TNS1: variants seen among roughly 807,000 people sequenced by gnomAD.
TNS1 encodes tensin 1, also known as tensin-1.
In TNS1, 62 loss-of-function variants were observed where a neutral mutation model predicts 168.6. The ratio of observed to expected loss-of-function variants is 0.37; its 90% CI spans 0.30 to 0.45. The LOEUF (loss-of-function observed/expected upper bound fraction) is 0.45, where lower values mean the gene tolerates loss of function less well. Ranked by LOEUF, TNS1 falls within the 20% of genes least tolerant of loss-of-function variation. The pLI is 1.00. For missense variants in TNS1, 2,240 were observed against 2,339.4 expected, an observed-to-expected ratio of 0.96 and a Z score of 0.88; for synonymous variants, 934 against 933.2, an observed-to-expected ratio of 1.00 and a Z score of -0.02.
rs1316310539 is a variant in TNS1, at chr2:217,963,946, C to T, written c.186+14819G>A. ...AAAATTTCTTAAAAATCAGCTCTGA[C>T]TCCCCAGGCCCCAAATCTTAAAACA... is the stretch of plus-strand genomic sequence containing the variant. On this transcript the variant is annotated intron_variant, in intron 3 of 32. Transcript: ENST00000682258. Among the ~76,000 whole-genome samples, 5 of 151,352 alleles carry T rather than the reference C, an allele frequency of 3.3e-5. No homozygotes were observed. The South Asian group carries it at 1.0e-3, about 32-fold the overall frequency.
At chr2:217,900,369 A>C in intron 7 of TNS1, 94 bp downstream of exon 7, 1 of 1,405,582 alleles carries the variant, frequency 7.1e-7, no homozygotes, top group South Asian at 1.2e-5. Context: ...TTATGGCTGC[A>C]GTCCGGGGGA....
chr2:217,998,780 G>T (rs921032792), intron 1 of TNS1, among the ~76,000 whole-genome samples: 1 of 152,204 alleles, frequency 6.6e-6, no homozygotes. Flanking sequence ...GATCACAGGT[G>T]TGACCACTGT....
intron 1 of TNS1, among the ~76,000 whole-genome samples, chr2:218,031,018 G>C (rs1161717882): frequency 1.4e-5 from 2 of 147,038 alleles, no homozygotes; most frequent in African/African-American, 2.5e-5. Flanking sequence ...GGGAGTGTAT[G>C]TGTGTATGTG....
intron 3 of TNS1, among the ~76,000 whole-genome samples, chr2:217,927,040 G>A (rs1192849457): frequency 2.0e-5 from 3 of 152,214 alleles, no homozygotes; most frequent in African/African-American, 7.2e-5. Flanking sequence ...CATTGCTTCT[G>A]TTTATCCACT....
At chr2:217,886,392 T>C in intron 13 of TNS1, 142 bp downstream of exon 13, 7 of 716,804 alleles carry the variant, frequency 9.8e-6, no homozygotes, top group Non-Finnish European at 1.7e-5. Flanking sequence ...TAGGAAGCAA[T>C]ACACTTGAGA....
intron 1 of TNS1, 92 bp downstream of exon 1, chr2:218,002,748 G>A (rs565691940): frequency 5.5e-5 from 25 of 455,428 alleles, no homozygotes; most frequent in South Asian, 1.4e-4. Context: ...CCCCGACCCC[G>A]GGCTCTCAGC....
At chr2:217,962,902 C>T (rs1046437077) in intron 3 of TNS1, among the ~76,000 whole-genome samples, 11 of 152,154 alleles carry the variant, frequency 7.2e-5, no homozygotes, top group African/African-American at 2.7e-4. Context: ...AATTCTACTA[C>T]AATCCTCAGA....
In TNS1 at chr2:217,804,591, G is replaced by A. The variant is rs371968350; in HGVS notation, c.5388C>T (p.Phe1796=). ...EGGAPAKLFG[F]VARKQGSTTD... is the part of the protein sequence containing the mutation. ...TGGTGCTGCCCTGCTTCCGGGCCAC[G>A]AAGCCGAAGAGCCTGCAGGCGGGAG... The change falls in exon 33 of 33, where the codon TTC becomes TTT. Residue 1796 remains phenylalanine, a synonymous_variant. Transcript: ENST00000682258. 30 of 1,613,982 alleles carry A rather than the reference G, an allele frequency of 1.9e-5. No homozygotes were observed. Among genetic ancestry groups the A allele is most frequent in the African/African-American group, 5.3e-5 (4 of 74,946 alleles).
At position 217,848,236 on chromosome 2, in the gene TNS1, C is replaced by T. The variant is rs748730030; in HGVS notation, c.2281G>A (p.Gly761Arg). 2.2e-5 allele frequency: 35 copies of T among 1,573,858 alleles called. No homozygotes were observed. The highest frequency in any genetic ancestry group is 2.8e-5 in the Non-Finnish European group (32 of 1,160,562). Residue 761 changes from glycine to arginine, a missense_variant, in exon 19 of 33, where the codon GGG (glycine) becomes AGG (arginine). By Grantham distance (125) the Gly-to-Arg change is moderately radical. This residue lies in a region of TNS1 where 2,131 missense variants were observed against 2,171.2 expected (regional missense o/e 0.98). Transcript: ENST00000682258. ...TGCACAGCCTCCCGGCTGCTTCCCC[C>T]TCGGACCGGAGCTGGGGGCAGCTGG... ...EPQLPPAPVRGGSSREAVQRG... is the reference protein window; with the variant it reads ...EPQLPPAPVRRGSSREAVQRG...
chr2:217,971,037 G>A lies in TNS1; in HGVS notation c.186+7728C>T, dbSNP rs188754719. 9.3e-4 allele frequency among the ~76,000 whole-genome samples: 142 copies of A among 152,270 alleles called. 1 individual carries two copies. Among genetic ancestry groups the A allele is most frequent in the Middle Eastern group, 6.8e-3 (2 of 294 alleles). ...AGCCATAGACCAATGGTTCTCAAAT[G>A]TGGCTGCAAAGGAAGTGCACATGGG... is the stretch of plus-strand genomic sequence containing the variant. On this transcript the variant is annotated intron_variant, in intron 3 of 32. Transcript: ENST00000682258.
chr2:217,948,669 C>T lies in TNS1; in HGVS notation c.187-28433G>A, dbSNP rs59920124. ...GAGATGACCCCAGAAGCCACATTCA[C>T]GCTGCTGCCCTGAAGCCCCCCATCC... On this transcript the variant is annotated intron_variant, in intron 3 of 32. Transcript: ENST00000682258. This position sits in a 1 kb window ranked among gnomAD's most constrained non-coding sequence, Gnocchi z 4.1. Among the ~76,000 whole-genome samples, 2,615 of 152,262 alleles carry T rather than the reference C, an allele frequency of 0.017. 85 individuals are homozygous for T. The highest frequency in any genetic ancestry group is 0.059 in the African/African-American group (2,466 of 41,538).
intron 18 of TNS1, among the ~76,000 whole-genome samples, chr2:217,853,257 G>A (rs1337255849): frequency 2.0e-5 from 3 of 152,222 alleles, no homozygotes; most frequent in Non-Finnish European, 4.4e-5. Flanking sequence ...GGATAAGAGA[G>A]GGACTTAAGG....
At chr2:217,942,695 C>T (rs370822839) in intron 3 of TNS1, among the ~76,000 whole-genome samples, 61 of 152,256 alleles carry the variant, frequency 4.0e-4, no homozygotes, top group African/African-American at 1.4e-3. Context: ...CTGGGACTTC[C>T]AGAAGAGAAG....
Position 218,032,294 on chromosome 2 carries a change from C to T in TNS1, c.156+1526G>A, listed in dbSNP as rs28539470. Among the ~76,000 whole-genome samples the T allele has an allele frequency of 0.29, 43,566 of 151,990 alleles. 9,068 individuals are homozygous for T. Among genetic ancestry groups the T allele is most frequent in the African/African-American group, 0.58 (24,170 of 41,404 alleles). ...TGGCCAGGGGAGAAAGAGGAGTGGG[C>T]AATGGGGCCTGGGGGACAAGGCAGT... On this transcript the variant is annotated intron_variant, in intron 1 of 1. Coordinates refer to the TNS1 transcript ENST00000649572. The surrounding 1 kb of genome is among the most constrained non-coding windows in gnomAD (Gnocchi z 4.0).
In TNS1 at chr2:218,027,070, C is replaced by A. The variant is rs180996187; in HGVS notation, c.156+6750G>T. Among the ~76,000 whole-genome samples the A allele has an allele frequency of 1.4e-4, 22 of 151,878 alleles. 1 individual carries two copies. Among genetic ancestry groups the A allele is most frequent in the African/African-American group, 5.3e-4 (22 of 41,244 alleles). Reference sequence around the variant, plus strand: ...TGGGGGCCCACGAAGGGAGGAGAGACTTTACGGCAAACACAATACCTGTAC... The same window carrying A: ...TGGGGGCCCACGAAGGGAGGAGAGAATTTACGGCAAACACAATACCTGTAC... On this transcript the variant is annotated intron_variant, in intron 1 of 1. Coordinates refer to the TNS1 transcript ENST00000649572.
chr2:217,937,401 C>T (rs1376462226), intron 3 of TNS1, among the ~76,000 whole-genome samples: 1 of 152,184 alleles, frequency 6.6e-6, no homozygotes, highest in Admixed American at 6.5e-5. Flanking sequence ...GGGGCTGGCC[C>T]ATCTCTGCCA....
intron 4 of TNS1, among the ~76,000 whole-genome samples, chr2:217,915,359 A>G (rs1260806056): frequency 6.6e-6 from 1 of 152,216 alleles, no homozygotes. Flanking sequence ...CTTTATCTGC[A>G]AAAGAACAGG....
intron 3 of TNS1, among the ~76,000 whole-genome samples, chr2:217,968,969 G>A (rs1431340609): frequency 6.6e-6 from 1 of 152,106 alleles, no homozygotes; most frequent in Non-Finnish European, 1.5e-5. Flanking sequence ...AAAGTGCTGG[G>A]ATTACAGGCA....
At chr2:217,903,549 C>A in intron 6 of TNS1, 1 of 1,526,104 alleles carries the variant, frequency 6.6e-7, no homozygotes, top group Admixed American at 2.0e-5. Flanking sequence ...AGGTTGATTA[C>A]AGAACTTTTC....
Sources: gnomAD v4.1 joint callset for allele counts (sites outside exome capture counted in the v4.1 genomes callset) on GRCh38, gnomAD v4.1.1 for gene constraint, gnomAD v4.1.1 regional missense constraint, Gnocchi (gnomAD v3.1) non-coding constraint, MANE v1.5 for transcripts, NCBI Gene and HGNC (gene_info 2026-07-23, HGNC 2026-07-21) for gene names.